The following LRRC4C variants were observed in gnomAD, a reference collection of about 807,000 sequenced individuals.
LRRC4C encodes leucine-rich repeat-containing protein 4C.
A neutral mutation model predicts 33.6 loss-of-function variants in LRRC4C; 5 were observed. The observed-to-expected ratio is 0.15, with a 90% CI of 0.08 to 0.31. The LOEUF (loss-of-function observed/expected upper bound fraction) is 0.31. LRRC4C is among the 10% of genes least tolerant of loss of function. The probability of loss-of-function intolerance (pLI) is 1.00; values close to 1 mark genes in which losing one functional copy is unlikely to be tolerated. For missense variants in LRRC4C, 560 were observed against 796.7 expected (o/e 0.70, Z 3.58); for synonymous variants, 329 against 302.0 (o/e 1.09, Z -0.93).
chr11:40,597,064 A>C (rs1465088020), intron 3 of LRRC4C, among the ~76,000 whole-genome samples: 1 of 152,202 alleles, frequency 6.6e-6, no homozygotes, highest in Non-Finnish European at 1.5e-5. Flanking sequence ...AATGAGATTT[A>C]TACTGCTACA....
At chr11:40,685,494 T>C (rs768676489) in intron 2 of LRRC4C, among the ~76,000 whole-genome samples, 25 of 151,938 alleles carry the variant, frequency 1.6e-4, no homozygotes, top group Non-Finnish European at 2.5e-4. Flanking sequence ...AGAATATTTA[T>C]AGAAAATTTA....
rs1724942541 is a variant in LRRC4C at position 41,093,768 on chromosome 11, AGTG to A, written c.-495-160048_-495-160046del. Among the ~76,000 whole-genome samples the A allele has an allele frequency of 3.3e-5, 5 of 152,116 alleles. No individual in the cohort carries two copies. In the South Asian group the frequency reaches 1.0e-3, roughly 32 times the overall value. ...TGTATATTTGATGCTCCAAATCATTAGTGGTTTTCCACAACCTTTGGGGATAAA... is the reference window on the plus strand; with the variant it reads ...TGTATATTTGATGCTCCAAATCATTAGTTTTCCACAACCTTTGGGGATAAA... On this transcript the variant is annotated intron_variant, in intron 1 of 6. Transcript: ENST00000528697.
intron 1 of LRRC4C, among the ~76,000 whole-genome samples, chr11:41,051,545 A>AAAAAAAAAAAAAAAAG (rs1858220354): frequency 7.1e-6 from 1 of 140,066 alleles, no homozygotes; most frequent in Non-Finnish European, 1.5e-5. Flanking sequence ...AAAAAAAAAA[A>AAAAAAAAAAAAAAAAG]AAAAAAAAGG....
At chr11:41,058,359 C>T (rs182587051) in intron 1 of LRRC4C, among the ~76,000 whole-genome samples, 1 of 152,334 alleles carries the variant, frequency 6.6e-6, no homozygotes, top group East Asian at 1.9e-4. Flanking sequence ...TAGCTGCCTG[C>T]CCCACTGCAC....
Position 40,454,593 on chromosome 11 carries a change from T to C in LRRC4C, c.-269-134872A>G, listed in dbSNP as rs182517686. Among the ~76,000 whole-genome samples, 37 of 152,318 alleles carry C rather than the reference T, an allele frequency of 2.4e-4. No homozygotes were observed. In the East Asian group the frequency reaches 6.4e-3, roughly 26 times the overall value. On this transcript the variant is annotated intron_variant, in intron 3 of 6. Transcript: ENST00000528697. ...TTCTTAGCTCTCTGTTTTGGACTTG[T>C]CTACTTTGACAGTGTATGAATTTTT...
chr11:40,419,964 G>A (rs910384491), intron 3 of LRRC4C, among the ~76,000 whole-genome samples: 1 of 152,180 alleles, frequency 6.6e-6, no homozygotes, highest in Non-Finnish European at 1.5e-5. Context: ...GATAAGTGAA[G>A]GAGGTGAATT....
At chr11:40,252,392 A>T (rs892367968) in intron 4 of LRRC4C, among the ~76,000 whole-genome samples, 8 of 151,924 alleles carry the variant, frequency 5.3e-5, no homozygotes, top group African/African-American at 1.9e-4. Flanking sequence ...CCCAACACAC[A>T]CGCAGAGTAC....
chr11:40,421,078 A>AT (rs372737923), intron 3 of LRRC4C, among the ~76,000 whole-genome samples: 75 of 151,956 alleles, frequency 4.9e-4, no homozygotes, highest in African/African-American at 1.6e-3. Flanking sequence ...TAAGTCCAGC[A>AT]TTTTTTTTCA....
intron 3 of LRRC4C, among the ~76,000 whole-genome samples, chr11:40,501,077 C>G (rs1439667132): frequency 6.6e-6 from 1 of 152,126 alleles, no homozygotes; most frequent in African/African-American, 2.4e-5. Context: ...GCAGTCAAAT[C>G]TTAAAGTTCC....
At chr11:41,036,723 T>G (rs746154769) in intron 1 of LRRC4C, among the ~76,000 whole-genome samples, 3 of 152,192 alleles carry the variant, frequency 2.0e-5, no homozygotes, top group African/African-American at 2.4e-5. Flanking sequence ...TTTAATTCAT[T>G]CATTAATAAG....
Position 41,217,330 on chromosome 11 carries a change from C to G in LRRC4C, c.-496+242101G>C, listed in dbSNP as rs377721433. On this transcript the variant is annotated intron_variant, in intron 1 of 6. Transcript: ENST00000528697. ...TAGAAGCTTCAATAAATATTAATCT[C>G]CACTATAATTTTTAAAGCAGGACTT... Among the ~76,000 whole-genome samples, 10 of 152,110 alleles carry G rather than the reference C, an allele frequency of 6.6e-5. No individual in the cohort carries two copies. The East Asian group carries it at 1.5e-3, about 23-fold the overall frequency.
chr11:40,152,350 C>A (rs994682461), intron 5 of LRRC4C, among the ~76,000 whole-genome samples: 1 of 152,164 alleles, frequency 6.6e-6, no homozygotes, highest in African/African-American at 2.4e-5. Flanking sequence ...CACGGGGATC[C>A]ACTGGGAGGG....
chr11:40,340,848 A>G (rs1019675945), intron 3 of LRRC4C, among the ~76,000 whole-genome samples: 3 of 152,212 alleles, frequency 2.0e-5, no homozygotes, highest in African/African-American at 7.2e-5. Context: ...AAATAAAAAA[A>G]TGAATTTTAA....
chr11:40,508,104 C>A (rs1418664790), intron 3 of LRRC4C, among the ~76,000 whole-genome samples: 1 of 152,046 alleles, frequency 6.6e-6, no homozygotes, highest in African/African-American at 2.4e-5. Context: ...GAAGCCAGAT[C>A]AAATACTGTA....
At chr11:40,756,599 T>G (rs894588369) in intron 2 of LRRC4C, among the ~76,000 whole-genome samples, 2 of 152,074 alleles carry the variant, frequency 1.3e-5, no homozygotes, top group Admixed American at 6.6e-5. Flanking sequence ...TCCTTTGGTA[T>G]TTGGATACAT....
chr11:40,204,264 C>T (rs1181105550), intron 5 of LRRC4C, among the ~76,000 whole-genome samples: 1 of 152,104 alleles, frequency 6.6e-6, no homozygotes, highest in Non-Finnish European at 1.5e-5. Context: ...TTTCAGACCA[C>T]CCATTCTACA....
At chr11:40,455,313 T>C (rs1377840417) in intron 3 of LRRC4C, among the ~76,000 whole-genome samples, 1 of 152,188 alleles carries the variant, frequency 6.6e-6, no homozygotes, top group Non-Finnish European at 1.5e-5. Context: ...CATGCTGCTT[T>C]TGTGTCCATC....
chr11:41,004,658 GTAGGTAA>G (rs1854610229), intron 1 of LRRC4C, among the ~76,000 whole-genome samples: 1 of 152,028 alleles, frequency 6.6e-6, no homozygotes, highest in East Asian at 1.9e-4. Flanking sequence ...TTGACTTATT[GTAGGTAA>G]ACAATGAGTG....
chr11:40,451,366 C>CTTTTT lies in LRRC4C; in HGVS notation c.-269-131650_-269-131646dup, dbSNP rs71060962. On this transcript the variant is annotated intron_variant, in intron 3 of 6. Transcript: ENST00000528697. ...ACTATTAGCCTTACAGAAATAATGA[C>CTTTTT]TTTTTTTTTTTTTTTTTTTTTTTTT... Among the ~76,000 whole-genome samples the CTTTTT allele has an allele frequency of 3.6e-4, 17 of 47,088 alleles. 6 individuals are homozygous for CTTTTT. The highest frequency in any genetic ancestry group is 7.2e-4 in the Admixed American group (2 of 2,796). 30.9% of individuals were successfully genotyped at this position (47,088 alleles called of 152,430 possible). A position where few individuals can be genotyped will look rare whatever the true frequency, so the allele number is the denominator to read the frequency against.
Sources: allele counts gnomAD v4.1 joint callset (sites outside exome capture counted in the v4.1 genomes callset), GRCh38; gene constraint gnomAD v4.1.1; transcripts MANE v1.5; gene names NCBI Gene and HGNC (gene_info 2026-07-23, HGNC 2026-07-21).